SLC9A9: variants seen among roughly 807,000 people sequenced by gnomAD.
The protein encoded by SLC9A9 is sodium/hydrogen exchanger 9.
SLC9A9 carries 62 observed loss-of-function variants against 77.8 expected under a neutral mutation model. That is an observed-to-expected ratio of 0.80 (90% confidence interval 0.65 to 0.98). The LOEUF (loss-of-function observed/expected upper bound fraction) is 0.98. Among genes scored for constraint, SLC9A9 ranks in the 50% least tolerant of loss-of-function variants. The probability of loss-of-function intolerance (pLI) is 0.00; values close to 1 mark genes in which losing one functional copy is unlikely to be tolerated. For synonymous variants in SLC9A9, 320 were observed against 283.5 expected, an observed-to-expected ratio of 1.13 and a Z score of -1.29; for missense variants, 775 against 774.9, an observed-to-expected ratio of 1.00 and a Z score of 0.00.
intron 13 of SLC9A9, among the ~76,000 whole-genome samples, chr3:143,367,846 TA>T (rs1260848454): frequency 1.3e-5 from 2 of 152,192 alleles, no homozygotes; most frequent in Non-Finnish European, 2.9e-5. Flanking sequence ...CGAGGATCTT[TA>T]TTCCAGAGGG....
intron 12 of SLC9A9, among the ~76,000 whole-genome samples, chr3:143,422,975 A>G (rs967219152): frequency 3.3e-5 from 5 of 152,186 alleles, no homozygotes; most frequent in African/African-American, 1.2e-4. Flanking sequence ...TCCATGACCC[A>G]GTCCCTGAAG....
intron 9 of SLC9A9, among the ~76,000 whole-genome samples, chr3:143,505,313 C>T (rs1015420435): frequency 6.6e-6 from 1 of 152,158 alleles, no homozygotes; most frequent in African/African-American, 2.4e-5. Flanking sequence ...CTTTTCAACC[C>T]AATTTCTTCT....
At chr3:143,554,100 G>C (rs1346220384) in intron 8 of SLC9A9, among the ~76,000 whole-genome samples, 2 of 152,144 alleles carry the variant, frequency 1.3e-5, no homozygotes, top group African/African-American at 4.8e-5. Flanking sequence ...ACTAGATATT[G>C]ATCTGTAGAG....
intron 14 of SLC9A9, among the ~76,000 whole-genome samples, chr3:143,352,710 TA>T (rs1203935674): frequency 3.9e-5 from 6 of 152,362 alleles, no homozygotes; most frequent in East Asian, 1.9e-4. Context: ...TTAACTCATT[TA>T]TATTGGGAAC....
intron 2 of SLC9A9, 41 bp downstream of exon 2, chr3:143,831,978 A>C: frequency 6.5e-7 from 1 of 1,544,858 alleles, no homozygotes; most frequent in Non-Finnish European, 8.9e-7. Flanking sequence ...ACAATTATTT[A>C]TACTGTAAAA....
At chr3:143,585,236 C>T (rs750785286) in intron 6 of SLC9A9, among the ~76,000 whole-genome samples, 2 of 152,178 alleles carry the variant, frequency 1.3e-5, no homozygotes, top group Non-Finnish European at 2.9e-5. Flanking sequence ...AAAGGAAATT[C>T]CTTGTGGACA....
At chr3:143,488,663 T>C (rs1037341316) in intron 11 of SLC9A9, among the ~76,000 whole-genome samples, 2 of 151,880 alleles carry the variant, frequency 1.3e-5, no homozygotes, top group East Asian at 1.9e-4. Flanking sequence ...ATCACCTCAA[T>C]TGATGCAGAA....
At chr3:143,516,057 G>T (rs2036197615) in intron 9 of SLC9A9, among the ~76,000 whole-genome samples, 1 of 152,230 alleles carries the variant, frequency 6.6e-6, no homozygotes, top group Non-Finnish European at 1.5e-5. Flanking sequence ...TTTCTTGAAA[G>T]ATTGCAGGGC....
At chr3:143,329,808 C>T (rs1007750786) in intron 14 of SLC9A9, among the ~76,000 whole-genome samples, 1 of 152,148 alleles carries the variant, frequency 6.6e-6, no homozygotes, top group African/African-American at 2.4e-5. Flanking sequence ...ACGTGAGCCT[C>T]GTGCCCCGGT....
chr3:143,470,620 G>A (rs2035362290), intron 11 of SLC9A9, among the ~76,000 whole-genome samples: 2 of 152,166 alleles, frequency 1.3e-5, no homozygotes, highest in Admixed American at 1.3e-4. Flanking sequence ...CAGTTGCTAA[G>A]TATTAATAGT....
intron 8 of SLC9A9, among the ~76,000 whole-genome samples, chr3:143,563,950 T>C (rs1251690082): frequency 6.6e-6 from 1 of 152,164 alleles, no homozygotes; most frequent in Non-Finnish European, 1.5e-5. Context: ...TCTTGACCTC[T>C]ATCTCCTCAA....
intron 12 of SLC9A9, among the ~76,000 whole-genome samples, chr3:143,436,693 T>C (rs1379604384): frequency 1.3e-5 from 2 of 152,232 alleles, no homozygotes; most frequent in African/African-American, 4.8e-5. Context: ...TAGGTATAAA[T>C]GCATTCTGGC....
At chr3:143,507,073 T>C (rs1284429885) in intron 9 of SLC9A9, among the ~76,000 whole-genome samples, 4 of 151,482 alleles carry the variant, frequency 2.6e-5, no homozygotes, top group African/African-American at 9.7e-5. Context: ...ATCTTGTGCA[T>C]ATTATCTTAA....
At chr3:143,702,196 G>A (rs1247491985) in intron 4 of SLC9A9, among the ~76,000 whole-genome samples, 1 of 152,100 alleles carries the variant, frequency 6.6e-6, no homozygotes, top group African/African-American at 2.4e-5. Context: ...AGAAAAAGAT[G>A]TTAATAAGCA....
At chr3:143,844,587 A>G (rs1410610301) in intron 1 of SLC9A9, among the ~76,000 whole-genome samples, 1 of 152,238 alleles carries the variant, frequency 6.6e-6, no homozygotes, top group Non-Finnish European at 1.5e-5. Flanking sequence ...GTGCAGGTCC[A>G]CTAAATCTTA....
rs139069852 is a variant in SLC9A9 at position 143,653,559 on chromosome 3, GT to G, written c.650-1200del. 2.4e-4 allele frequency among the ~76,000 whole-genome samples: 37 copies of G among 152,252 alleles called. 1 individual carries two copies. In the East Asian group the frequency reaches 4.4e-3, roughly 18 times the overall value. ...GAGGAAATAAAAGCAAGACAGACAA[GT>G]TGAATGTGAAGGTTTTATAAGTAGG... On this transcript the variant is annotated intron_variant, in intron 5 of 15. Transcript: ENST00000316549.
At chr3:143,285,132 C>T (rs187898480) in intron 14 of SLC9A9, among the ~76,000 whole-genome samples, 6 of 152,070 alleles carry the variant, frequency 3.9e-5, no homozygotes, top group Non-Finnish European at 2.9e-5. Flanking sequence ...ATGTGCAGAA[C>T]GTCAGGTTTG....
chr3:143,725,701 A>G (rs1934632028), intron 4 of SLC9A9, among the ~76,000 whole-genome samples: 1 of 129,498 alleles, frequency 7.7e-6, no homozygotes, highest in Non-Finnish European at 1.6e-5. Flanking sequence ...ACACATGGAC[A>G]CAGGAAGGGG....
At chr3:143,827,268 T>A (rs111436668) in intron 2 of SLC9A9, among the ~76,000 whole-genome samples, 1 of 152,130 alleles carries the variant, frequency 6.6e-6, no homozygotes, top group African/African-American at 2.4e-5. Context: ...CACAGAACAA[T>A]TTGACAAATG....
Sources: gnomAD v4.1 joint callset for allele counts (sites outside exome capture counted in the v4.1 genomes callset) on GRCh38, gnomAD v4.1.1 for gene constraint, MANE v1.5 for transcripts, NCBI Gene and HGNC (gene_info 2026-07-23, HGNC 2026-07-21) for gene names.